Variants in SLC6A7 observed in about 807,000 individuals in gnomAD.
SLC6A7 encodes sodium-dependent proline transporter.
Under a neutral mutation model 73.1 loss-of-function variants are expected in SLC6A7, and 58 were observed. The observed-to-expected ratio is 0.79, with a 90% CI of 0.64 to 0.99. The LOEUF (loss-of-function observed/expected upper bound fraction) is 0.99. SLC6A7 is among the 50% of genes least tolerant of loss of function. The pLI is 0.00. For missense variants in SLC6A7, 783 were observed against 831.4 expected (o/e 0.94, Z 0.72); for synonymous variants, 338 against 338.7 (o/e 1.00, Z 0.02).
At position 150,197,255 on chromosome 5, in the gene SLC6A7, G is replaced by C; in HGVS notation, c.563G>C (p.Ser188Thr). ...ALPLNLTCTV[S>T]PSEEYWSRYV... The stretch of plus-strand genomic sequence containing the variant: ...CCCCTCAACCTCACCTGCACCGTCA[G>C]CCCCAGCGAGGAGTACTGGAGGTCA... Residue 188 changes from serine (S) to threonine (T), a missense_variant, in exon 4 of 14, where the codon AGC (serine) becomes ACC (threonine). By Grantham distance (58) the Ser-to-Thr change is moderately conservative. Transcript: ENST00000230671. 1 of 1,610,440 alleles carries C rather than the reference G, an allele frequency of 6.2e-7. No individual in the cohort carries two copies. The highest frequency in any genetic ancestry group is 8.5e-7 in the Non-Finnish European group (1 of 1,178,094).
intron 2 of SLC6A7, 35 bp downstream of exon 2, chr5:150,194,946 G>A (rs771888725): frequency 1.3e-6 from 2 of 1,589,810 alleles, no homozygotes; most frequent in East Asian, 2.2e-5. Context: ...GGGTGTCTGG[G>A]GTGATGGGCC....
At chr5:150,191,056 T>TG (rs757716268) in intron 1 of SLC6A7, among the ~76,000 whole-genome samples, 15 of 151,938 alleles carry the variant, frequency 9.9e-5, no homozygotes, top group Non-Finnish European at 1.8e-4. Flanking sequence ...TGTCAGGATA[T>TG]GGGGAGGGGG....
At chr5:150,193,525 A>T (rs1752878771) in intron 1 of SLC6A7, among the ~76,000 whole-genome samples, 1 of 151,964 alleles carries the variant, frequency 6.6e-6, no homozygotes, top group Non-Finnish European at 1.5e-5. Flanking sequence ...GAGGGGGAGT[A>T]TTGGGGAAGT....
intron 8 of SLC6A7, among the ~76,000 whole-genome samples, chr5:150,203,194 C>T (rs1342696684): frequency 6.6e-6 from 1 of 152,074 alleles, no homozygotes; most frequent in East Asian, 1.9e-4. Context: ...GATGGGTGAG[C>T]AAACGAGTGT....
intron 13 of SLC6A7, 68 bp downstream of exon 13, chr5:150,205,691 A>G: frequency 7.1e-7 from 1 of 1,401,660 alleles, no homozygotes. Flanking sequence ...TCCCCCTGCT[A>G]GAACAGAAAA....
In SLC6A7 at chr5:150,201,115, CT is replaced by C. The variant is rs1753356925; in HGVS notation, c.751del (p.Tyr251ThrfsTer109). ...KVVYFTATFPYLILLMLLVRG... is the reference protein window; with the variant it reads ...KVVYFTATFPXLILLMLLVRG... ...TGGTGTATTTCACGGCCACGTTCCCCTACCTCATCCTGCTCATGCTGCTGGT... is the reference window on the plus strand; with the variant it reads ...TGGTGTATTTCACGGCCACGTTCCCCACCTCATCCTGCTCATGCTGCTGGT... On this transcript the variant is annotated frameshift_variant, in exon 6 of 14. Coordinates refer to ENST00000230671, the MANE Select transcript of SLC6A7 (RefSeq NM_014228.5). LOFTEE classifies it high-confidence loss of function. The C allele has an allele frequency of 6.2e-7, 1 of 1,613,818 alleles. No individual in the cohort carries two copies. The highest frequency in any genetic ancestry group is 8.5e-7 in the Non-Finnish European group (1 of 1,179,904).
rs760582060 is a variant in SLC6A7 at position 150,209,443 on chromosome 5, G to A, written c.1739G>A (p.Gly580Glu). The A allele has an allele frequency of 6.2e-7, 1 of 1,613,922 alleles. No homozygotes were observed. The highest frequency in any genetic ancestry group is 1.3e-5 in the African/African-American group (1 of 74,942). Residue 580 changes from glycine to glutamate, a missense_variant, in exon 14 of 14, where the codon GGA (glycine) becomes GAA (glutamate). Coordinates refer to ENST00000230671, the MANE Select transcript of SLC6A7 (RefSeq NM_014228.5). ...QQASRPAMDW[G>E]PSLEENRTGM... ...GCCAGCCGGCCGGCCATGGACTGGGGACCATCGCTGGAGGAGAACCGGACG... is the reference window on the plus strand; with the variant it reads ...GCCAGCCGGCCGGCCATGGACTGGGAACCATCGCTGGAGGAGAACCGGACG...
chr5:150,190,066 GCTGT>G lies in SLC6A7; in HGVS notation c.-254_-251del, dbSNP rs1354065744. 3 of 396,662 alleles carry G rather than the reference GCTGT, an allele frequency of 7.6e-6. No individual in the cohort carries two copies. Among genetic ancestry groups the G allele is most frequent in the African/African-American group, 4.2e-5 (2 of 47,382 alleles). The allele number at this position is 396,662 out of a possible 1,614,324, so 24.6% of individuals were successfully genotyped here. On this transcript the variant is annotated 5_prime_UTR_variant, in exon 1 of 14. Transcript: ENST00000230671. ...GCATCCCCCCGCCGTCCGTCCGTCA[GCTGT>G]CTGTCTGGGTGTCTATGCGGGCGCA...
At chr5:150,192,630 A>T (rs1387762126) in intron 1 of SLC6A7, among the ~76,000 whole-genome samples, 1 of 152,036 alleles carries the variant, frequency 6.6e-6, no homozygotes, top group Admixed American at 6.6e-5. Flanking sequence ...GCTTTGGAGG[A>T]CCCTATCTCC....
At position 150,209,511 on chromosome 5, in the gene SLC6A7, C is replaced by G; in HGVS notation, c.1807C>G (p.Pro603Ala). Residue 603 changes from proline (P) to alanine (A), a missense_variant, in exon 14 of 14, where the codon CCA becomes GCA. By Grantham distance (27) the Pro-to-Ala change is conservative. Coordinates refer to ENST00000230671, the MANE Select transcript of SLC6A7 (RefSeq NM_014228.5). ...GCTGGCTGGGAGCCAGTCACCAAAG[C>G]CACTGATGGTGCACATGCGCAAGTA... Reference protein sequence around the residue: ...ATLAGSQSPKPLMVHMRKYGG... With the variant: ...ATLAGSQSPKALMVHMRKYGG... 1 of 1,614,158 alleles carries G rather than the reference C, an allele frequency of 6.2e-7. No individual in the cohort carries two copies. Among genetic ancestry groups the G allele is most frequent in the South Asian group, 1.1e-5 (1 of 91,084 alleles).
At chr5:150,205,199 G>T (rs1217065257) in intron 12 of SLC6A7, among the ~76,000 whole-genome samples, 3 of 151,414 alleles carry the variant, frequency 2.0e-5, no homozygotes, top group Non-Finnish European at 2.9e-5. Flanking sequence ...CTGTCTTGGG[G>T]TTAGAGCAGC....
chr5:150,192,170 G>A (rs1281580035), intron 1 of SLC6A7, among the ~76,000 whole-genome samples: 1 of 152,118 alleles, frequency 6.6e-6, no homozygotes, highest in South Asian at 2.1e-4. Context: ...TGGACTTAGA[G>A]TCAGGGGATC....
At chr5:150,207,528 CT>C (rs1753762156) in intron 13 of SLC6A7, among the ~76,000 whole-genome samples, 1 of 152,174 alleles carries the variant, frequency 6.6e-6, no homozygotes, top group Admixed American at 6.5e-5. Flanking sequence ...GTGTCTTTGT[CT>C]TTAAAATGGA....
Position 150,205,456 on chromosome 5 carries a change from G to T in SLC6A7, c.1534G>T (p.Ala512Ser), listed in dbSNP as rs1457517436. ...GATGCTGGGAGTCCCCACTCTGCAG[G>T]CCCTCATGGTGTATAGCATCGTCAA... ...WLFLSPATLL[A>S]LMVYSIVKYQ... Residue 512 changes from alanine (A) to serine (S), a missense_variant and splice_region_variant, in exon 13 of 14, where the codon GCC becomes TCC. Ala to Ser is a moderately conservative substitution (Grantham distance 99). Transcript: ENST00000230671. 3.1e-6 allele frequency: 5 copies of T among 1,589,352 alleles called. No homozygotes were observed. Among genetic ancestry groups the T allele is most frequent in the East Asian group, 4.5e-5 (2 of 44,496 alleles).
intron 4 of SLC6A7, 70 bp downstream of exon 4, chr5:150,197,346 C>G: frequency 2.0e-6 from 2 of 1,020,600 alleles, no homozygotes; most frequent in South Asian, 3.1e-5. Flanking sequence ...GAGGGCATCC[C>G]CCACAGTCTC....
chr5:150,193,865 C>G (rs1038847447), intron 1 of SLC6A7, among the ~76,000 whole-genome samples: 8 of 152,348 alleles, frequency 5.3e-5, no homozygotes, highest in African/African-American at 1.9e-4. Flanking sequence ...GCTTTCGCAT[C>G]AGGAAGCCTT....
At chr5:150,205,073 C>G in intron 12 of SLC6A7, 146 bp downstream of exon 12, 1 of 609,410 alleles carries the variant, frequency 1.6e-6, no homozygotes, top group Non-Finnish European at 2.9e-6. Flanking sequence ...CATCCCCTCC[C>G]CTGATGTTCC....
chr5:150,190,534 C>T (rs1265971864), intron 1 of SLC6A7, among the ~76,000 whole-genome samples, 174 bp downstream of exon 1: 1 of 152,194 alleles, frequency 6.6e-6, no homozygotes. Context: ...TCTGCGCCCC[C>T]ACCTCTGCCC....
rs377546002 is a variant in SLC6A7 at position 150,194,306 on chromosome 5, G to C, written c.34-422G>C. Among the ~76,000 whole-genome samples the C allele has an allele frequency of 5.3e-5, 8 of 152,066 alleles. No homozygotes were observed. In the East Asian group the frequency reaches 1.6e-3, roughly 29 times the overall value. On this transcript the variant is annotated intron_variant, in intron 1 of 13. Transcript: ENST00000230671. ...TAGCCGGGCGTGGTGGTGGGCGCCT[G>C]TAGTCCCAGCTACTCGGGAGGCTGA...
Sources: allele counts gnomAD v4.1 joint callset (sites outside exome capture counted in the v4.1 genomes callset), GRCh38; gene constraint gnomAD v4.1.1; transcripts MANE v1.5; gene names NCBI Gene and HGNC (gene_info 2026-07-23, HGNC 2026-07-21).